Variants in NCKAP5 observed in about 807,000 individuals in gnomAD.
The protein encoded by NCKAP5 is NCK associated protein 5, also known as nck-associated protein 5.
NCKAP5 carries 92 observed loss-of-function variants against 167.0 expected under a neutral mutation model. That is an observed-to-expected ratio of 0.55 (90% confidence interval 0.47 to 0.66). NCKAP5 has a LOEUF of 0.66. Ranked by LOEUF, NCKAP5 falls within the 30% of genes least tolerant of loss-of-function variation. The pLI is 0.00. For synonymous variants in NCKAP5, 891 were observed against 877.4 expected (o/e 1.02, Z -0.27); for missense variants, 2,378 against 2,315.0 (o/e 1.03, Z -0.56).
At chr2:132,997,041 T>C (rs1311191313) in intron 6 of NCKAP5, among the ~76,000 whole-genome samples, 1 of 152,258 alleles carries the variant, frequency 6.6e-6, no homozygotes, top group African/African-American at 2.4e-5. Flanking sequence ...CTGATCCAGC[T>C]TCTCCCTCTT....
intron 2 of NCKAP5, among the ~76,000 whole-genome samples, chr2:133,531,127 TGAAA>T (rs1169163403): frequency 2.7e-5 from 4 of 150,020 alleles, no homozygotes; most frequent in African/African-American, 9.8e-5. Context: ...ATGTGAAGAC[TGAAA>T]GAAAAAAAAG....
the NCKAP5 span, among the ~76,000 whole-genome samples, chr2:133,588,124 G>A: frequency 1.3e-5 from 2 of 152,152 alleles, no homozygotes; most frequent in Non-Finnish European, 2.9e-5. Flanking sequence ...ATACACATGT[G>A]AGTCAACTAT....
At chr2:132,939,165 A>C (rs936755664) in intron 8 of NCKAP5, among the ~76,000 whole-genome samples, 4 of 152,188 alleles carry the variant, frequency 2.6e-5, no homozygotes, top group African/African-American at 9.7e-5. Flanking sequence ...TAAACGGTTA[A>C]CTTTTGATCT....
chr2:133,607,102 T>C, the NCKAP5 span, among the ~76,000 whole-genome samples: 16 of 152,356 alleles, frequency 1.1e-4, 1 homozygote, highest in South Asian at 6.2e-4. Context: ...ATCTTTCTAA[T>C]GGCTCTTACA....
At chr2:133,079,749 C>A (rs1379160322) in intron 6 of NCKAP5, among the ~76,000 whole-genome samples, 1 of 152,120 alleles carries the variant, frequency 6.6e-6, no homozygotes, top group East Asian at 1.9e-4. Context: ...TAATACATTT[C>A]TAAGTTTCTT....
intron 3 of NCKAP5, among the ~76,000 whole-genome samples, chr2:133,484,952 T>C (rs1680778727): frequency 6.6e-6 from 1 of 152,212 alleles, no homozygotes; most frequent in Non-Finnish European, 1.5e-5. Context: ...TAACAGAATA[T>C]GCAAAATCAG....
chr2:133,309,660 A>C (rs1681091048), intron 3 of NCKAP5, among the ~76,000 whole-genome samples: 2 of 152,202 alleles, frequency 1.3e-5, no homozygotes, highest in African/African-American at 4.8e-5. Context: ...GGCAATTAGT[A>C]TGAAACATTT....
chr2:133,348,566 C>G (rs553053075), intron 3 of NCKAP5, among the ~76,000 whole-genome samples: 1 of 152,268 alleles, frequency 6.6e-6, no homozygotes, highest in South Asian at 2.1e-4. Context: ...ACTACCCACA[C>G]TGTGGCCCCC....
intron 6 of NCKAP5, among the ~76,000 whole-genome samples, chr2:133,124,924 T>G (rs147030088): frequency 2.0e-4 from 31 of 152,238 alleles, no homozygotes; most frequent in African/African-American, 5.5e-4. Context: ...CACGCACCTA[T>G]AGTCCCAGCT....
intron 7 of NCKAP5, among the ~76,000 whole-genome samples, chr2:132,986,675 A>G (rs2077298165): frequency 6.6e-6 from 1 of 152,252 alleles, no homozygotes; most frequent in Non-Finnish European, 1.5e-5. Context: ...TTTCTTTTAA[A>G]AAAGATATCT....
intron 10 of NCKAP5, 135 bp from the exon 11 acceptor site, chr2:132,860,746 C>T: frequency 8.5e-7 from 1 of 1,172,556 alleles, no homozygotes. Flanking sequence ...AGAAGTAAAT[C>T]ACATACGTTT....
rs35697369 is a variant in NCKAP5, at chr2:133,328,632, G to A, written c.70-25522C>T. Among the ~76,000 whole-genome samples, 708 of 152,186 alleles carry A rather than the reference G, an allele frequency of 4.7e-3. 38 individuals carry two copies. In the East Asian group the frequency reaches 0.11, roughly 23 times the overall value. On this transcript the variant is annotated intron_variant, in intron 3 of 19. Coordinates refer to ENST00000409261, the MANE Select transcript of NCKAP5 (RefSeq NM_207363.3). ...GATAATGAACACGTAATTGGAGCAT[G>A]GGAAAAATCAGACACTGTGAACTCG... is the stretch of plus-strand genomic sequence containing the variant.
In NCKAP5 at chr2:132,922,522, T is replaced by C. The variant is rs550535148; in HGVS notation, c.579+41198A>G. 5.7e-4 allele frequency among the ~76,000 whole-genome samples: 86 copies of C among 150,668 alleles called. 2 individuals carry two copies. The highest frequency in any genetic ancestry group is 1.9e-3 in the African/African-American group (78 of 40,012). On this transcript the variant is annotated intron_variant, in intron 8 of 19. Coordinates refer to ENST00000409261, the MANE Select transcript of NCKAP5 (RefSeq NM_207363.3). ...TTGGCACCCAAGGCTTTTGATGACC[T>C]GGCTGTTCCTTCTCTCTCTGGACTC...
At chr2:133,017,994 T>C (rs1203002755) in intron 6 of NCKAP5, among the ~76,000 whole-genome samples, 2 of 152,198 alleles carry the variant, frequency 1.3e-5, no homozygotes, top group Admixed American at 6.5e-5. Context: ...TCAGTCTCTA[T>C]CTCAAGACCA....
intron 2 of NCKAP5, among the ~76,000 whole-genome samples, chr2:133,542,409 T>A (rs1188974514): frequency 6.6e-6 from 1 of 152,202 alleles, no homozygotes; most frequent in East Asian, 1.9e-4. Flanking sequence ...TTCCAAATTA[T>A]AGTAGCTTAA....
chr2:132,697,271 C>T (rs1273759447), intron 19 of NCKAP5, among the ~76,000 whole-genome samples: 2 of 152,252 alleles, frequency 1.3e-5, no homozygotes, highest in African/African-American at 4.8e-5. Context: ...CAGGACAGTG[C>T]TCCCTTGATG....
chr2:133,513,805 T>A (rs16826052), intron 3 of NCKAP5, among the ~76,000 whole-genome samples: 8 of 152,028 alleles, frequency 5.3e-5, no homozygotes, highest in African/African-American at 1.9e-4. Context: ...ATTCATACTG[T>A]TACTCTCATC....
intron 3 of NCKAP5, among the ~76,000 whole-genome samples, chr2:133,503,685 T>C (rs1488605348): frequency 1.3e-5 from 2 of 152,182 alleles, no homozygotes; most frequent in African/African-American, 2.4e-5. Context: ...CCGGTAACCA[T>C]ATAGGAAAAA....
intron 6 of NCKAP5, among the ~76,000 whole-genome samples, chr2:133,013,947 T>C (rs1476502369): frequency 6.6e-6 from 1 of 152,184 alleles, no homozygotes; most frequent in Non-Finnish European, 1.5e-5. Flanking sequence ...TCCCAAGCAC[T>C]GCCAATTCCT....
Sources: gnomAD v4.1 joint callset for allele counts (sites outside exome capture counted in the v4.1 genomes callset) on GRCh38, gnomAD v4.1.1 for gene constraint, MANE v1.5 for transcripts, NCBI Gene and HGNC (gene_info 2026-07-23, HGNC 2026-07-21) for gene names.